The following MYRFL variants were observed in gnomAD, a reference collection of about 807,000 sequenced individuals.
MYRFL encodes myelin regulatory factor-like protein.
A neutral mutation model predicts 109.4 loss-of-function variants in MYRFL; 88 were observed. The ratio of observed to expected loss-of-function variants is 0.80; its 90% CI spans 0.68 to 0.96. The LOEUF is 0.96. MYRFL is among the 40% of genes least tolerant of loss of function. The pLI is 0.00. For missense variants in MYRFL, 957 were observed against 954.9 expected, an observed-to-expected ratio of 1.00 and a Z score of -0.03; for synonymous variants, 324 against 320.9, an observed-to-expected ratio of 1.01 and a Z score of -0.10.
intron 2 of MYRFL, among the ~76,000 whole-genome samples, chr12:69,871,141 TAGG>T (rs892899531): frequency 6.6e-6 from 1 of 151,982 alleles, no homozygotes; most frequent in Non-Finnish European, 1.5e-5. Context: ...TAGCATATAA[TAGG>T]AGATTACCAG....
At chr12:69,857,857 T>C (rs1198074248) in intron 2 of MYRFL, among the ~76,000 whole-genome samples, 1 of 151,882 alleles carries the variant, frequency 6.6e-6, no homozygotes, top group Non-Finnish European at 1.5e-5. Context: ...CTTTTGATAC[T>C]TTCTTGCCTT....
At chr12:69,905,385 A>G (rs1668003285) in intron 11 of MYRFL, among the ~76,000 whole-genome samples, 6 of 152,224 alleles carry the variant, frequency 3.9e-5, no homozygotes, top group Admixed American at 3.9e-4. Flanking sequence ...CCCTTCTAAA[A>G]AGCCTTCTCC....
At chr12:69,893,663 A>G in intron 7 of MYRFL, 101 bp from the exon 8 acceptor site, 1 of 558,280 alleles carries the variant, frequency 1.8e-6, no homozygotes, top group Non-Finnish European at 2.7e-6. Flanking sequence ...CCCAGTGCCT[A>G]GGATGATGCC....
At chr12:69,952,578 C>A (rs1368509639) in intron 20 of MYRFL, among the ~76,000 whole-genome samples, 3 of 152,046 alleles carry the variant, frequency 2.0e-5, no homozygotes, top group Admixed American at 6.5e-5. Context: ...TTTATTGGAG[C>A]CTGAGTTTTT....
At chr12:69,875,358 C>T (rs962306477) in intron 2 of MYRFL, among the ~76,000 whole-genome samples, 5 of 151,800 alleles carry the variant, frequency 3.3e-5, no homozygotes, top group Non-Finnish European at 7.4e-5. Flanking sequence ...GATTTCTTTG[C>T]TGAGATTTTA....
intron 5 of MYRFL, among the ~76,000 whole-genome samples, chr12:69,885,464 T>C (rs1174271394): frequency 6.6e-6 from 1 of 152,154 alleles, no homozygotes; most frequent in Non-Finnish European, 1.5e-5. Flanking sequence ...CTCCAAGCTG[T>C]GGGCTAGGTG....
intron 12 of MYRFL, 119 bp downstream of exon 12, chr12:69,910,196 C>A: frequency 1.5e-6 from 1 of 677,578 alleles, no homozygotes; most frequent in Non-Finnish European, 2.4e-6. Context: ...CTAACTTGTT[C>A]TCTGTGAAAC....
intron 13 of MYRFL, among the ~76,000 whole-genome samples, chr12:69,921,813 G>A (rs779567352): frequency 9.2e-5 from 14 of 152,110 alleles, no homozygotes; most frequent in Admixed American, 3.9e-4. Flanking sequence ...TATCATTATT[G>A]ACAAGTAACC....
In MYRFL at chr12:69,879,360, C is replaced by T. The variant is rs759463793; in HGVS notation, c.371C>T (p.Ala124Val). Reference protein sequence around the residue: ...HGGFHSCHSNASHLATPLDQS... With the variant: ...HGGFHSCHSNVSHLATPLDQS... ...GGCTTTCACAGCTGCCACTCAAACGCCAGTCATCTTGCCACCCCCCTGGAC... is the reference window on the plus strand; with the variant it reads ...GGCTTTCACAGCTGCCACTCAAACGTCAGTCATCTTGCCACCCCCCTGGAC... Residue 124 changes from alanine to valine, a missense_variant, in exon 4 of 25, where the codon GCC becomes GTC. Ala to Val is a moderately conservative substitution (Grantham distance 64). Coordinates refer to ENST00000552032, the MANE Select transcript of MYRFL (RefSeq NM_182530.3). The T allele has an allele frequency of 4.3e-6, 3 of 702,828 alleles. No homozygotes were observed. In the East Asian group the frequency reaches 8.0e-5, roughly 19 times the overall value. The allele number at this position is 702,828 out of a possible 1,614,324, so 43.5% of individuals were successfully genotyped here.
At chr12:69,866,965 G>A (rs1885052424) in intron 2 of MYRFL, among the ~76,000 whole-genome samples, 1 of 152,230 alleles carries the variant, frequency 6.6e-6, no homozygotes, top group African/African-American at 2.4e-5. Context: ...GGAATGAAGT[G>A]TTCCTCAAAC....
intron 8 of MYRFL, among the ~76,000 whole-genome samples, chr12:69,894,213 G>T (rs1887087130): frequency 6.6e-6 from 1 of 151,852 alleles, no homozygotes; most frequent in African/African-American, 2.4e-5. Context: ...GGCCAGGCTG[G>T]TCTTGAATTC....
intron 21 of MYRFL, among the ~76,000 whole-genome samples, chr12:69,953,703 G>C (rs962007719): frequency 9.2e-5 from 14 of 151,688 alleles, no homozygotes; most frequent in Admixed American, 7.9e-4. Context: ...GGAGGTCGAG[G>C]CTGCAGTAAG....
intron 10 of MYRFL, among the ~76,000 whole-genome samples, chr12:69,902,267 G>T (rs761399996): frequency 2.0e-5 from 3 of 152,142 alleles, no homozygotes; most frequent in Non-Finnish European, 4.4e-5. Context: ...AGACACTTGG[G>T]ATTGAATTAG....
chr12:69,827,984 T>C lies in MYRFL; in HGVS notation c.46+2421T>C, dbSNP rs1348353076. The stretch of plus-strand genomic sequence containing the variant: ...AGATTTTTATTTTCTTTATACTTTA[T>C]TATCTAAGTGCTTTATAATTTGAAT... On this transcript the variant is annotated intron_variant, in intron 1 of 24. Coordinates refer to ENST00000552032, the MANE Select transcript of MYRFL (RefSeq NM_182530.3). 9.5e-4 allele frequency among the ~76,000 whole-genome samples: 145 copies of C among 152,248 alleles called. 2 individuals are homozygous for C. The highest frequency in any genetic ancestry group is 9.5e-3 in the Admixed American group (145 of 15,268).
chr12:69,924,771 T>G (rs1346838774), intron 13 of MYRFL, among the ~76,000 whole-genome samples: 1 of 152,198 alleles, frequency 6.6e-6, no homozygotes, highest in East Asian at 1.9e-4. Context: ...TATGATTTTT[T>G]TTGTTGTTGG....
At chr12:69,852,579 ATTTTT>A in intron 1 of MYRFL, among the ~76,000 whole-genome samples, 1 of 112,186 alleles carries the variant, frequency 8.9e-6, no homozygotes, top group Admixed American at 9.8e-5. Flanking sequence ...TTAATTTTTA[ATTTTT>A]TTTTTTTTTT....
At position 69,958,700 on chromosome 12, in the gene MYRFL, G is replaced by GAATA; in HGVS notation, c.*172_*175dup. On this transcript the variant is annotated 3_prime_UTR_variant, in exon 25 of 25. Coordinates refer to ENST00000552032, the MANE Select transcript of MYRFL (RefSeq NM_182530.3). ...AACAGTTTTGAGACATTAATGAGGA[G>GAATA]AATAAAATGTTTGCTGAAACTTGAA... is the stretch of plus-strand genomic sequence containing the variant. 1 of 544,778 alleles carries GAATA rather than the reference G, an allele frequency of 1.8e-6. No individual in the cohort carries two copies. The highest frequency in any genetic ancestry group is 3.1e-5 in the East Asian group (1 of 32,780). 33.7% of individuals were successfully genotyped at this position (544,778 alleles called of 1,614,324 possible).
intron 15 of MYRFL, among the ~76,000 whole-genome samples, chr12:69,928,681 G>A (rs1359518524): frequency 6.6e-6 from 1 of 152,216 alleles, no homozygotes; most frequent in African/African-American, 2.4e-5. Context: ...TCTGGGGCAA[G>A]TTACTCAACC....
intron 5 of MYRFL, among the ~76,000 whole-genome samples, chr12:69,883,722 A>AC (rs902590764): frequency 6.6e-6 from 1 of 151,426 alleles, no homozygotes; most frequent in Non-Finnish European, 1.5e-5. Context: ...AAAAAAAAAA[A>AC]AAAAATTAGC....
Sources: gnomAD v4.1 joint callset for allele counts (sites outside exome capture counted in the v4.1 genomes callset) on GRCh38, gnomAD v4.1.1 for gene constraint, MANE v1.5 for transcripts, NCBI Gene and HGNC (gene_info 2026-07-23, HGNC 2026-07-21) for gene names.